ERO1A: variants seen among roughly 807,000 people sequenced by gnomAD.
The protein encoded by ERO1A is endoplasmic reticulum oxidoreductase 1 alpha.
ERO1A carries 49 observed loss-of-function variants against 76.9 expected under a neutral mutation model. The ratio of observed to expected loss-of-function variants is 0.64; its 90% CI spans 0.51 to 0.81. The LOEUF (loss-of-function observed/expected upper bound fraction) is 0.81. ERO1A is among the 30% of genes least tolerant of loss of function. The pLI is 0.00. For synonymous variants in ERO1A, 174 were observed against 181.2 expected, an observed-to-expected ratio of 0.96 and a Z score of 0.32; for missense variants, 448 against 542.1, an observed-to-expected ratio of 0.83 and a Z score of 1.72.
At chr14:52,681,521 T>G (rs2040993804) in intron 3 of ERO1A, among the ~76,000 whole-genome samples, 1 of 152,076 alleles carries the variant, frequency 6.6e-6, no homozygotes, top group Non-Finnish European at 1.5e-5. Flanking sequence ...GAGAATCGCT[T>G]GAACCCAGGA....
chr14:52,684,294 T>C (rs961604594), intron 1 of ERO1A, among the ~76,000 whole-genome samples: 4 of 152,168 alleles, frequency 2.6e-5, no homozygotes, highest in Non-Finnish European at 5.9e-5. Context: ...CAGGGAAAGA[T>C]GTCTCCCTGT....
chr14:52,658,751 C>T (rs1453351357), intron 9 of ERO1A, among the ~76,000 whole-genome samples: 3 of 152,094 alleles, frequency 2.0e-5, no homozygotes, highest in African/African-American at 7.2e-5. Context: ...CATGATAGAA[C>T]ACTATCTAAC....
At chr14:52,680,711 C>T (rs2040965443) in intron 3 of ERO1A, among the ~76,000 whole-genome samples, 1 of 152,276 alleles carries the variant, frequency 6.6e-6, no homozygotes, top group South Asian at 2.1e-4. Context: ...GTTAATATCA[C>T]TTTAATGATA....
intron 7 of ERO1A, among the ~76,000 whole-genome samples, chr14:52,664,728 G>T (rs4901292): frequency 0.81 from 122,070 of 149,992 alleles, 49,164 homozygotes; most frequent in Middle Eastern, 0.83. Flanking sequence ...GTCTCACTCT[G>T]TCACCCAGGC....
intron 3 of ERO1A, among the ~76,000 whole-genome samples, chr14:52,680,668 A>T (rs965761193): frequency 8.5e-5 from 13 of 152,340 alleles, no homozygotes; most frequent in African/African-American, 3.1e-4. Flanking sequence ...CTAAATTACA[A>T]ACGCAAAACT....
rs142539239 is a variant in ERO1A at position 52,666,425 on chromosome 14, T to A, written c.579A>T (p.Gly193=). The A allele has an allele frequency of 3.7e-5, 60 of 1,611,074 alleles. No individual in the cohort carries two copies. The African/African-American group carries it at 7.2e-4, about 19-fold the overall frequency. ...LNPERYTGYK[G]PDAWKIWNVI... ...CATTCCATATTTTCCAAGCATCTGG[T>A]CCCTTGTAACCAGTGTAGCGCTCAG... Residue 193 remains glycine, a synonymous_variant, in exon 7 of 16, where the codon GGA becomes GGT. Coordinates refer to ENST00000395686, the MANE Select transcript of ERO1A (RefSeq NM_014584.3).
At chr14:52,646,320 G>T (rs768137052) in intron 14 of ERO1A, 33 bp from the exon 15 acceptor site, 2 of 1,599,450 alleles carry the variant, frequency 1.3e-6, no homozygotes, top group East Asian at 2.2e-5. Flanking sequence ...AGAAAAATTA[G>T]AAAATTATTC....
At chr14:52,693,919 T>C (rs1876545764) in intron 1 of ERO1A, among the ~76,000 whole-genome samples, 1 of 152,112 alleles carries the variant, frequency 6.6e-6, no homozygotes, top group African/African-American at 2.4e-5. Context: ...TATGAGGGTA[T>C]TGTGAAAGAG....
At chr14:52,646,706 T>C (rs1383003332) in intron 13 of ERO1A, 8 of 344,498 alleles carry the variant, frequency 2.3e-5, no homozygotes, top group Non-Finnish European at 3.6e-5. Context: ...AAAAACAAGA[T>C]TCAGAGTGTT....
intron 4 of ERO1A, among the ~76,000 whole-genome samples, chr14:52,676,774 C>G (rs950045805): frequency 2.0e-5 from 3 of 151,772 alleles, no homozygotes; most frequent in Non-Finnish European, 4.4e-5. Context: ...GTGGCTCACA[C>G]CTGTAATCCC....
At chr14:52,656,481 C>A (rs181471316) in intron 11 of ERO1A, among the ~76,000 whole-genome samples, 1 of 151,962 alleles carries the variant, frequency 6.6e-6, no homozygotes, top group African/African-American at 2.4e-5. Context: ...GAGGCCAAGG[C>A]GGGTGGATCA....
chr14:52,664,753 G>A lies in ERO1A; in HGVS notation c.630-906C>T, dbSNP rs560098694. Among the ~76,000 whole-genome samples the A allele has an allele frequency of 3.0e-4, 45 of 151,992 alleles. No individual in the cohort carries two copies. In the East Asian group the frequency reaches 8.2e-3, roughly 28 times the overall value. ...GTCACCCAGGCTGGAGTGCAGTGGT[G>A]CAATCTGGGCTCACTGCAAGCTCCG... is the stretch of plus-strand genomic sequence containing the variant. On this transcript the variant is annotated intron_variant, in intron 7 of 15. Transcript: ENST00000395686.
intron 4 of ERO1A, 86 bp from the exon 5 acceptor site, chr14:52,671,957 TTA>T: frequency 1.1e-6 from 1 of 902,406 alleles, no homozygotes; most frequent in Non-Finnish European, 1.7e-6. Flanking sequence ...GAAGCTCTTT[TTA>T]TTTTTTTTAT....
chr14:52,643,528 G>A lies in ERO1A; in HGVS notation c.*42C>T, dbSNP rs112205242. The A allele has an allele frequency of 1.3e-3, 1,707 of 1,297,202 alleles. 16 individuals carry two copies. The African/African-American group carries it at 0.023, about 17-fold the overall frequency. 80.4% of individuals were successfully genotyped at this position (1,297,202 alleles called of 1,614,324 possible). ...CCTTTGAATGAAATTCCACTCTTTCGCCTCCATTGTCCAGAAACAGGCACA... is the reference window on the plus strand; with the variant it reads ...CCTTTGAATGAAATTCCACTCTTTCACCTCCATTGTCCAGAAACAGGCACA... On this transcript the variant is annotated 3_prime_UTR_variant, in exon 16 of 16. Coordinates refer to ENST00000395686, the MANE Select transcript of ERO1A (RefSeq NM_014584.3).
rs746337059 is a variant in ERO1A at position 52,653,323 on chromosome 14, GGAA to G, written c.809-11_809-9del. On this transcript the variant is annotated splice_polypyrimidine_tract_variant and intron_variant, in intron 11 of 15. Coordinates refer to ENST00000395686, the MANE Select transcript of ERO1A (RefSeq NM_014584.3). Reference sequence around the variant, plus strand: ...TCTTTTCTAACCAGGTCTCTAAGAAGGAAGAAGAATTAAATATTAAAAACTGAA... The same window carrying G: ...TCTTTTCTAACCAGGTCTCTAAGAAGGAAGAATTAAATATTAAAAACTGAA... The G allele has an allele frequency of 1.1e-5, 17 of 1,565,896 alleles. No individual in the cohort carries two copies. The highest frequency in any genetic ancestry group is 1.5e-5 in the Non-Finnish European group (17 of 1,160,848).
rs1217130247 is a variant in ERO1A at position 52,640,210 on chromosome 14, A to G, written c.*3360T>C. The G allele has an allele frequency of 6.6e-6, 1 of 152,220 alleles. No individual in the cohort carries two copies. The highest frequency in any genetic ancestry group is 2.4e-5 in the African/African-American group (1 of 41,462). The allele number at this position is 152,220 out of a possible 1,614,324, so 9.4% of individuals were successfully genotyped here. A position where few individuals can be genotyped will look rare whatever the true frequency, so the allele number is the denominator to read the frequency against. On this transcript the variant is annotated 3_prime_UTR_variant, in exon 16 of 16. Transcript: ENST00000395686. ...AAAACAATACAGTACGATTTAAGTG[A>G]CATACAATAGAGGTAGGTTGTAATT... is the stretch of plus-strand genomic sequence containing the variant.
intron 13 of ERO1A, among the ~76,000 whole-genome samples, chr14:52,648,015 T>C (rs867329954): frequency 1.3e-5 from 2 of 152,218 alleles, no homozygotes; most frequent in African/African-American, 2.4e-5. Flanking sequence ...TTTCCCAACA[T>C]GCTTTATTCA....
At chr14:52,656,961 T>C (rs1032522788) in intron 11 of ERO1A, among the ~76,000 whole-genome samples, 3 of 152,012 alleles carry the variant, frequency 2.0e-5, no homozygotes, top group African/African-American at 7.2e-5. Flanking sequence ...AGGTAGAAGG[T>C]AGGACTTGGC....
intron 13 of ERO1A, 129 bp downstream of exon 13, chr14:52,652,110 G>A (rs904807723): frequency 1.4e-5 from 7 of 492,728 alleles, no homozygotes; most frequent in Non-Finnish European, 2.6e-5. Context: ...GGAATTACAG[G>A]CCTGAGCCAC....
Sources: allele counts gnomAD v4.1 joint callset (sites outside exome capture counted in the v4.1 genomes callset), GRCh38; gene constraint gnomAD v4.1.1; transcripts MANE v1.5; gene names NCBI Gene and HGNC (gene_info 2026-07-23, HGNC 2026-07-21).